LAMA4: variants seen among roughly 807,000 people sequenced by gnomAD.
The protein encoded by LAMA4 is laminin subunit alpha-4.
Under a neutral mutation model 207.1 loss-of-function variants are expected in LAMA4, and 127 were observed. The observed-to-expected ratio is 0.61, with a 90% CI of 0.53 to 0.71. The LOEUF is 0.71. LAMA4 is among the 30% of genes least tolerant of loss of function. LAMA4 has a pLI of 0.00. For missense variants in LAMA4, 2,093 were observed against 2,246.5 expected (o/e 0.93, Z 1.38); for synonymous variants, 761 against 816.0 (o/e 0.93, Z 1.15).
chr6:112,182,329 C>T (rs781896120), intron 9 of LAMA4, among the ~76,000 whole-genome samples: 32 of 152,000 alleles, frequency 2.1e-4, no homozygotes, highest in Non-Finnish European at 4.1e-4. Flanking sequence ...TCTAAATTAC[C>T]TCTAATACCT....
At chr6:112,181,586 T>C (rs782185875) in intron 9 of LAMA4, among the ~76,000 whole-genome samples, 1 of 152,216 alleles carries the variant, frequency 6.6e-6, no homozygotes, top group African/African-American at 2.4e-5. Flanking sequence ...ATTCTCAATA[T>C]ACAGGCCAAT....
At chr6:112,190,542 A>AT (rs1782957769) in intron 6 of LAMA4, among the ~76,000 whole-genome samples, 1 of 152,244 alleles carries the variant, frequency 6.6e-6, no homozygotes, top group Admixed American at 6.5e-5. Context: ...TCAAAGTCAC[A>AT]TAAGAGTAAG....
rs114795569 is a variant in LAMA4 at position 112,128,632 on chromosome 6, C to G, written c.4287+290G>C. On this transcript the variant is annotated intron_variant, in intron 31 of 38. Coordinates refer to ENST00000230538, the MANE Select transcript of LAMA4 (RefSeq NM_001105206.3). ...ATAAATGTTTGAGATAATAGACATG[C>G]TATCACTCTGATTTGATTTTTGCAC... 6.8e-3 allele frequency among the ~76,000 whole-genome samples: 1,031 copies of G among 152,272 alleles called. 7 individuals are homozygous for G. The highest frequency in any genetic ancestry group is 0.024 in the African/African-American group (990 of 41,546).
intron 3 of LAMA4, among the ~76,000 whole-genome samples, chr6:112,212,263 G>A (rs1182205605): frequency 2.7e-5 from 4 of 147,268 alleles, no homozygotes; most frequent in African/African-American, 5.0e-5. Context: ...TTGCTCTGTT[G>A]CCCAGGCTAG....
intron 2 of LAMA4, among the ~76,000 whole-genome samples, chr6:112,220,335 A>G (rs1784856348): frequency 6.6e-6 from 1 of 152,166 alleles, no homozygotes. Context: ...TTGAAAAATA[A>G]GAGTGAAAAT....
chr6:112,139,940 A>G, intron 22 of LAMA4, 55 bp from the exon 23 acceptor site: 1 of 1,567,488 alleles, frequency 6.4e-7, no homozygotes, highest in Non-Finnish European at 8.8e-7. Flanking sequence ...TTACTCAGAC[A>G]TCACAGAACA....
intron 2 of LAMA4, among the ~76,000 whole-genome samples, chr6:112,249,833 T>C (rs1787300861): frequency 6.6e-6 from 1 of 152,184 alleles, no homozygotes; most frequent in South Asian, 2.1e-4. Context: ...TGAAGCCTAT[T>C]TTGGTGTTTG....
intron 5 of LAMA4, among the ~76,000 whole-genome samples, chr6:112,194,782 A>G (rs562116781): frequency 6.6e-6 from 1 of 152,292 alleles, no homozygotes; most frequent in South Asian, 2.1e-4. Context: ...AAGACACAAA[A>G]GCACCAGTAT....
In LAMA4 at chr6:112,189,174, A is replaced by C. The variant is rs1554347705; in HGVS notation, c.750T>G (p.Ser250Arg). The change falls in exon 7 of 39, where the codon AGT becomes AGG. Residue 250 changes from serine (S) to arginine (R), a missense_variant. By Grantham distance (110) the Ser-to-Arg change is moderately radical (BLOSUM62 -1). Transcript: ENST00000230538. ...CTTCTTCCAAGCATTCTCCGGTTAC[A>C]CTGTCACATGGGCCTCCCCCGCAGT... ...VCNCGGGPCDSVTGECLEEGF... is the reference protein window; with the variant it reads ...VCNCGGGPCDRVTGECLEEGF... The C allele has an allele frequency of 1.2e-6, 2 of 1,613,962 alleles. No individual in the cohort carries two copies. The highest frequency in any genetic ancestry group is 4.5e-5 in the East Asian group (2 of 44,886).
chr6:112,183,033 A>G (rs1168059284), intron 9 of LAMA4, among the ~76,000 whole-genome samples: 1 of 152,170 alleles, frequency 6.6e-6, no homozygotes, highest in African/African-American at 2.4e-5. Flanking sequence ...GTTCAGACAA[A>G]ACCCGTAGCT....
rs782688747 is a variant in LAMA4 at position 112,150,609 on chromosome 6, G to A, written c.2075C>T (p.Ala692Val). 9.3e-6 allele frequency: 15 copies of A among 1,613,782 alleles called. No homozygotes were observed. The highest frequency in any genetic ancestry group is 1.3e-5 in the Non-Finnish European group (15 of 1,179,704). ...KAESSSDEAV[A>V]DTSRRVGGAL... ...TCCACCCACACGCCTGCTAGTGTCAGCCACTGCTTCATCACTGCCTGTGGA... is the reference window on the plus strand; with the variant it reads ...TCCACCCACACGCCTGCTAGTGTCAACCACTGCTTCATCACTGCCTGTGGA... Residue 692 changes from alanine (A) to valine (V), a missense_variant, in exon 17 of 39, where the codon GCT becomes GTT. This residue lies in a region of LAMA4 where 1,704 missense variants were observed against 1,788.4 expected (regional missense o/e 0.95). Coordinates refer to ENST00000230538, the MANE Select transcript of LAMA4 (RefSeq NM_001105206.3).
At chr6:112,232,771 C>T (rs782529269) in intron 2 of LAMA4, among the ~76,000 whole-genome samples, 17 of 151,966 alleles carry the variant, frequency 1.1e-4, no homozygotes, top group Non-Finnish European at 2.4e-4. Flanking sequence ...ATTCACACTG[C>T]CATTTTAATG....
intron 6 of LAMA4, among the ~76,000 whole-genome samples, chr6:112,189,551 A>G (rs1782892663): frequency 6.6e-6 from 1 of 152,188 alleles, no homozygotes; most frequent in African/African-American, 2.4e-5. Flanking sequence ...CCACGAGCTC[A>G]TCATTCAACT....
At position 112,129,810 on chromosome 6, in the gene LAMA4, A is replaced by AT. The variant is rs371544384; in HGVS notation, c.4133+65dup. On this transcript the variant is annotated intron_variant, in intron 30 of 38. Transcript: ENST00000230538. ...ACATTTCATAGTTCTCAGTTTTAAT[A>AT]TTTTTGCTGTTGTCTTGATTTTATT... The AT allele has an allele frequency of 4.6e-3, 5,805 of 1,258,140 alleles. 53 individuals are homozygous for AT. The highest frequency in any genetic ancestry group is 0.021 in the South Asian group (1,580 of 76,718). The allele number at this position is 1,258,140 out of a possible 1,614,324, so 77.9% of individuals were successfully genotyped here.
At chr6:112,243,926 C>T (rs1786716544) in intron 2 of LAMA4, among the ~76,000 whole-genome samples, 2 of 152,130 alleles carry the variant, frequency 1.3e-5, no homozygotes, top group East Asian at 1.9e-4. Context: ...GGCATGGTGG[C>T]GGGTGCCTGT....
At chr6:112,216,543 A>G in intron 2 of LAMA4, 74 bp from the exon 3 acceptor site, 1 of 954,150 alleles carries the variant, frequency 1.0e-6, no homozygotes, top group Non-Finnish European at 1.7e-6. Flanking sequence ...AGAAGAAATC[A>G]GAGAAAGTGA....
chr6:112,206,098 G>A (rs1784043086), intron 4 of LAMA4, among the ~76,000 whole-genome samples: 1 of 152,184 alleles, frequency 6.6e-6, no homozygotes, highest in Non-Finnish European at 1.5e-5. Flanking sequence ...ACAGTCATAA[G>A]CATAGCACTT....
In LAMA4 at chr6:112,214,000, C is replaced by T. The variant is rs75992359; in HGVS notation, c.297+2368G>A. On this transcript the variant is annotated intron_variant, in intron 3 of 38. Transcript: ENST00000230538. Reference sequence around the variant, plus strand: ...TGTTCATGTTGGAGCCCTGGCTTCTCTGGCTCCCTGAGAGCTGAGAATGAA... The same window carrying T: ...TGTTCATGTTGGAGCCCTGGCTTCTTTGGCTCCCTGAGAGCTGAGAATGAA... 5,152 of 758,944 alleles carry T rather than the reference C, an allele frequency of 6.8e-3. 131 individuals are homozygous for T. The highest frequency in any genetic ancestry group is 0.062 in the African/African-American group (3,615 of 58,398). 47.0% of individuals were successfully genotyped at this position (758,944 alleles called of 1,614,324 possible).
chr6:112,229,215 T>G (rs1262583840), intron 2 of LAMA4, among the ~76,000 whole-genome samples: 1 of 152,194 alleles, frequency 6.6e-6, no homozygotes, highest in Admixed American at 6.5e-5. Context: ...GGCCAAAAGT[T>G]TAGGCTTACT....
Sources: allele counts gnomAD v4.1 joint callset (sites outside exome capture counted in the v4.1 genomes callset), GRCh38; gene constraint gnomAD v4.1.1; regional missense constraint gnomAD v4.1.1; transcripts MANE v1.5; gene names NCBI Gene and HGNC (gene_info 2026-07-23, HGNC 2026-07-21).